The following STARD13 variants were observed in gnomAD, a reference collection of about 807,000 sequenced individuals.
The protein encoded by STARD13 is stAR-related lipid transfer protein 13.
In STARD13, 62 loss-of-function variants were observed where a neutral mutation model predicts 106.4. The observed-to-expected ratio is 0.58, with a 90% confidence interval of 0.48 to 0.72. The LOEUF (loss-of-function observed/expected upper bound fraction) is 0.72, where lower values mean the gene tolerates loss of function less well. STARD13 is among the 30% of genes least tolerant of loss of function. The pLI, the probability that STARD13 is intolerant of heterozygous loss-of-function variation, is 0.00. For synonymous variants in STARD13, 565 were observed against 553.0 expected, an observed-to-expected ratio of 1.02 and a Z score of -0.31; for missense variants, 1,387 against 1,424.0, an observed-to-expected ratio of 0.97 and a Z score of 0.42.
At chr13:33,633,286 A>G in the STARD13 span, among the ~76,000 whole-genome samples, 1,441 of 152,328 alleles carry the variant, frequency 9.5e-3, 13 homozygotes, top group South Asian at 0.026. Flanking sequence ...TGGTACATAA[A>G]TGGAAGTTCT....
the STARD13 span, among the ~76,000 whole-genome samples, chr13:33,674,594 C>A: frequency 2.0e-5 from 3 of 152,168 alleles, no homozygotes; most frequent in Non-Finnish European, 4.4e-5. Flanking sequence ...GTCCCCCAGG[C>A]ATTCCTATGC....
intron 1 of STARD13, among the ~76,000 whole-genome samples, chr13:33,311,029 G>T (rs542353574): frequency 6.6e-6 from 1 of 151,590 alleles, no homozygotes; most frequent in Non-Finnish European, 1.5e-5. Context: ...GGGTGAGGTC[G>T]CTCACCCCTT....
the STARD13 span, among the ~76,000 whole-genome samples, chr13:33,532,014 T>C: frequency 6.6e-6 from 1 of 152,192 alleles, no homozygotes; most frequent in African/African-American, 2.4e-5. Flanking sequence ...TTAGTGATTA[T>C]ATACTATTTT....
chr13:33,112,037 A>ATG, intron 9 of STARD13, 145 bp from the exon 10 acceptor site: 1 of 588,044 alleles, frequency 1.7e-6, no homozygotes, highest in Admixed American at 2.8e-5. Context: ...CAATGATCAC[A>ATG]TATCTTAGAT....
the STARD13 span, among the ~76,000 whole-genome samples, chr13:33,418,899 A>G: frequency 6.6e-6 from 1 of 152,218 alleles, no homozygotes; most frequent in Non-Finnish European, 1.5e-5. Flanking sequence ...AAACTAACAA[A>G]CAGAAAGGAA....
chr13:33,525,783 G>C, the STARD13 span, among the ~76,000 whole-genome samples: 1 of 152,124 alleles, frequency 6.6e-6, no homozygotes, highest in East Asian at 1.9e-4. Flanking sequence ...TTTACTCATA[G>C]ATTATCAGAG....
the STARD13 span, among the ~76,000 whole-genome samples, chr13:33,585,136 C>T: frequency 2.0e-5 from 3 of 152,124 alleles, no homozygotes; most frequent in East Asian, 1.9e-4. Context: ...TAACAAGTGT[C>T]GGCAAAGATA....
the STARD13 span, among the ~76,000 whole-genome samples, chr13:33,361,496 CT>C: frequency 6.6e-6 from 1 of 152,142 alleles, no homozygotes; most frequent in Non-Finnish European, 1.5e-5. Flanking sequence ...CCTGGTCCCC[CT>C]AACTCCTGCA....
At chr13:33,279,818 T>C (rs867213523) in intron 1 of STARD13, 2 of 152,240 alleles carry the variant, frequency 1.3e-5, no homozygotes, top group Admixed American at 6.5e-5. Context: ...ATTTTTAAAA[T>C]GTTAGTCAAA....
chr13:33,638,541 T>C, the STARD13 span, among the ~76,000 whole-genome samples: 1 of 152,110 alleles, frequency 6.6e-6, no homozygotes, highest in African/African-American at 2.4e-5. Flanking sequence ...AGATAAGGGA[T>C]TGTAGAGACC....
chr13:33,655,611 A>T, the STARD13 span, among the ~76,000 whole-genome samples: 1 of 152,096 alleles, frequency 6.6e-6, no homozygotes, highest in Non-Finnish European at 1.5e-5. Flanking sequence ...TCACCTATTT[A>T]TGATAATTTT....
chr13:33,565,434 C>T, the STARD13 span, among the ~76,000 whole-genome samples: 3 of 147,350 alleles, frequency 2.0e-5, no homozygotes, highest in Admixed American at 7.0e-5. Context: ...ACATACACTG[C>T]AAAAACATGT....
chr13:33,496,063 T>C, the STARD13 span, among the ~76,000 whole-genome samples: 1 of 141,824 alleles, frequency 7.1e-6, no homozygotes, highest in Non-Finnish European at 1.5e-5. Context: ...ATAATTATAG[T>C]TATATATAGT....
chr13:33,637,867 A>G, the STARD13 span, among the ~76,000 whole-genome samples: 1 of 152,248 alleles, frequency 6.6e-6, no homozygotes, highest in African/African-American at 2.4e-5. Flanking sequence ...TTATATTGCT[A>G]AGTAAAATTC....
chr13:33,582,384 T>C, the STARD13 span, among the ~76,000 whole-genome samples: 18,144 of 152,212 alleles, frequency 0.12, 1,637 homozygotes, highest in East Asian at 0.3. Flanking sequence ...TGGAATCATA[T>C]GGTCTGTAGA....
At position 33,198,672 on chromosome 13, in the gene STARD13, G is replaced by A. The variant is rs138004933; in HGVS notation, c.170-31050C>T. Among the ~76,000 whole-genome samples, 151 of 152,052 alleles carry A rather than the reference G, an allele frequency of 9.9e-4. 3 individuals are homozygous for A. In the East Asian group the frequency reaches 0.026, roughly 26 times the overall value. On this transcript the variant is annotated intron_variant, in intron 1 of 13. Coordinates refer to ENST00000336934, the MANE Select transcript of STARD13 (RefSeq NM_178006.4). ...TTCTCCACAAGAGCATGAGCCCCAC[G>A]AGTCAGGAAACTTTGTTTTCCTATT...
chr13:33,433,747 A>G, the STARD13 span, among the ~76,000 whole-genome samples: 1 of 152,180 alleles, frequency 6.6e-6, no homozygotes, highest in African/African-American at 2.4e-5. Context: ...TTTTAAAAAT[A>G]TGGCCTGTGT....
At chr13:33,220,566 C>A (rs1888301549) in intron 1 of STARD13, among the ~76,000 whole-genome samples, 1 of 152,120 alleles carries the variant, frequency 6.6e-6, no homozygotes, top group African/African-American at 2.4e-5. Context: ...GTGGCGGGTG[C>A]CTGTAGTCCC....
the STARD13 span, among the ~76,000 whole-genome samples, chr13:33,522,660 T>C: frequency 1.3e-5 from 2 of 152,172 alleles, no homozygotes; most frequent in Non-Finnish European, 2.9e-5. Flanking sequence ...ATTGCCTTAT[T>C]TCCCTTGGTA....
Sources: gnomAD v4.1 joint callset for allele counts (sites outside exome capture counted in the v4.1 genomes callset) on GRCh38, gnomAD v4.1.1 for gene constraint, MANE v1.5 for transcripts, NCBI Gene and HGNC (gene_info 2026-07-23, HGNC 2026-07-21) for gene names.